The following GRIA4 variants were observed in gnomAD, a reference collection of about 807,000 sequenced individuals.
GRIA4 encodes the protein glutamate ionotropic receptor AMPA type subunit 4, also known as glutamate receptor 4.
In GRIA4, 34 loss-of-function variants were observed where a neutral mutation model predicts 104.0. The ratio of observed to expected loss-of-function variants is 0.33; its 90% CI spans 0.25 to 0.44. GRIA4 has a LOEUF of 0.44. GRIA4 is among the 20% of genes least tolerant of loss of function. The pLI is 1.00. For missense variants in GRIA4, 750 were observed against 1,096.5 expected (o/e 0.68, Z 4.46); for synonymous variants, 386 against 381.9 (o/e 1.01, Z -0.13).
chr11:105,726,687 G>A (rs970438640), intron 3 of GRIA4, among the ~76,000 whole-genome samples: 1 of 152,132 alleles, frequency 6.6e-6, no homozygotes, highest in African/African-American at 2.4e-5. Flanking sequence ...AGAGGAAGGA[G>A]CAGGCAGCAA....
chr11:105,642,535 ATG>A (rs1408625715), intron 3 of GRIA4, among the ~76,000 whole-genome samples: 21 of 94,538 alleles, frequency 2.2e-4, no homozygotes, highest in South Asian at 7.7e-4. Context: ...CTCAATTTTA[ATG>A]AAAAAAAAAA....
chr11:105,977,996 TC>T (rs1859073652), intron 16 of GRIA4, among the ~76,000 whole-genome samples: 1 of 152,056 alleles, frequency 6.6e-6, no homozygotes, highest in South Asian at 2.1e-4. Context: ...TCAATTCTGT[TC>T]AATTTAAAAT....
chr11:105,895,608 T>TGAGA (rs1946623334), intron 6 of GRIA4, among the ~76,000 whole-genome samples: 1 of 147,966 alleles, frequency 6.8e-6, no homozygotes, highest in Admixed American at 6.8e-5. Flanking sequence ...ATATGATACA[T>TGAGA]GAGAGGGATG....
chr11:105,666,732 T>G (rs1242056491), intron 3 of GRIA4, among the ~76,000 whole-genome samples: 1 of 152,018 alleles, frequency 6.6e-6, no homozygotes, highest in African/African-American at 2.4e-5. Context: ...ATACTGGCTT[T>G]CTTTCTTTTT....
At chr11:105,766,296 AT>A (rs1445253839) in intron 4 of GRIA4, among the ~76,000 whole-genome samples, 3 of 152,190 alleles carry the variant, frequency 2.0e-5, no homozygotes, top group Non-Finnish European at 4.4e-5. Context: ...TGTAAGAGAT[AT>A]GTCTATGAAG....
chr11:105,813,354 T>C (rs1326513027), intron 4 of GRIA4, among the ~76,000 whole-genome samples: 2 of 152,186 alleles, frequency 1.3e-5, no homozygotes, highest in Non-Finnish European at 2.9e-5. Flanking sequence ...AGCAATGCTA[T>C]GTAGAGTTTG....
chr11:105,928,473 A>T (rs1947780415), intron 13 of GRIA4, among the ~76,000 whole-genome samples: 1 of 152,010 alleles, frequency 6.6e-6, no homozygotes, highest in Non-Finnish European at 1.5e-5. Context: ...CAGCTTAATA[A>T]TAGAAACATT....
At chr11:105,724,336 C>G (rs1018216739) in intron 3 of GRIA4, among the ~76,000 whole-genome samples, 2 of 140,894 alleles carry the variant, frequency 1.4e-5, no homozygotes, top group African/African-American at 5.1e-5. Context: ...TATATATATA[C>G]ATAGATAGAT....
chr11:105,927,782 AT>A (rs1363588173), intron 13 of GRIA4, among the ~76,000 whole-genome samples: 1 of 151,924 alleles, frequency 6.6e-6, no homozygotes, highest in African/African-American at 2.4e-5. Context: ...ATAGGCATTC[AT>A]TTTGTGACTT....
In GRIA4 at chr11:105,836,486, T is replaced by G. The variant is rs528766405; in HGVS notation, c.488-25538T>G. On this transcript the variant is annotated intron_variant, in intron 4 of 16. Coordinates refer to ENST00000282499, the MANE Select transcript of GRIA4 (RefSeq NM_000829.4). ...CTCTAATCCTCACCATCATGCCATC[T>G]GCCCTCTGTATATTCTTTTTGTCCC... 2.6e-4 allele frequency among the ~76,000 whole-genome samples: 39 copies of G among 152,274 alleles called. No homozygotes were observed. In the South Asian group the frequency reaches 6.2e-3, roughly 24 times the overall value.
At chr11:105,775,679 T>C (rs2135754629) in intron 4 of GRIA4, among the ~76,000 whole-genome samples, 1 of 152,134 alleles carries the variant, frequency 6.6e-6, no homozygotes, top group South Asian at 2.1e-4. Flanking sequence ...AGTCATTCCA[T>C]AAAATAAAAC....
intron 3 of GRIA4, among the ~76,000 whole-genome samples, chr11:105,623,053 GTATATATATATATATATA>G (rs58596312): frequency 0.43 from 55,013 of 127,916 alleles, 11,623 homozygotes; most frequent in Middle Eastern, 0.57. Flanking sequence ...GTATTCCATT[GTATATATATATATATATA>G]TATATATATA....
chr11:105,956,469 G>A (rs931973464), intron 14 of GRIA4, among the ~76,000 whole-genome samples: 17 of 152,124 alleles, frequency 1.1e-4, no homozygotes, highest in Admixed American at 1.0e-3. Context: ...AGTATTCAAC[G>A]GTGTATATGT....
At chr11:105,757,640 T>C (rs1403060566) in intron 4 of GRIA4, among the ~76,000 whole-genome samples, 1 of 152,148 alleles carries the variant, frequency 6.6e-6, no homozygotes, top group Non-Finnish European at 1.5e-5. Flanking sequence ...ATATCTGTAC[T>C]GGGTCAGTTT....
chr11:105,659,978 C>T (rs1951958247), intron 3 of GRIA4, among the ~76,000 whole-genome samples: 1 of 151,474 alleles, frequency 6.6e-6, no homozygotes, highest in African/African-American at 2.4e-5. Context: ...GTAAAATTTT[C>T]AAAATAATAA....
intron 4 of GRIA4, among the ~76,000 whole-genome samples, chr11:105,775,365 T>C (rs1565226363): frequency 6.6e-6 from 1 of 152,128 alleles, no homozygotes; most frequent in East Asian, 1.9e-4. Context: ...CCATACAAAA[T>C]AGTAAATATT....
chr11:105,832,669 T>C (rs1424658458), intron 4 of GRIA4, among the ~76,000 whole-genome samples: 7 of 151,944 alleles, frequency 4.6e-5, no homozygotes, highest in Admixed American at 4.6e-4. Flanking sequence ...AGTCCTTGCT[T>C]TTCATTTGTC....
intron 3 of GRIA4, among the ~76,000 whole-genome samples, chr11:105,639,722 C>T (rs1951305664): frequency 6.6e-6 from 1 of 151,780 alleles, no homozygotes; most frequent in African/African-American, 2.4e-5. Flanking sequence ...AATTACTTTC[C>T]TAAAGTGACA....
chr11:105,642,959 C>T (rs1431505308), intron 3 of GRIA4, among the ~76,000 whole-genome samples: 1 of 152,040 alleles, frequency 6.6e-6, no homozygotes, highest in African/African-American at 2.4e-5. Flanking sequence ...ACAGTCATGG[C>T]AAAAGGAAAG....
Sources: gnomAD v4.1 joint callset for allele counts (sites outside exome capture counted in the v4.1 genomes callset) on GRCh38, gnomAD v4.1.1 for gene constraint, MANE v1.5 for transcripts, NCBI Gene and HGNC (gene_info 2026-07-23, HGNC 2026-07-21) for gene names.